The following BARX2 variants were observed in gnomAD, a reference collection of about 807,000 sequenced individuals.
BARX2 encodes homeobox protein BarH-like 2.
A neutral mutation model predicts 25.5 loss-of-function variants in BARX2; 11 were observed. That is an observed-to-expected ratio of 0.43 (90% CI 0.27 to 0.71). The LOEUF (loss-of-function observed/expected upper bound fraction) is 0.71. BARX2 is among the 30% of genes least tolerant of loss of function. The probability of loss-of-function intolerance (pLI) is 0.19; values close to 1 mark genes in which losing one functional copy is unlikely to be tolerated. For synonymous variants in BARX2, 137 were observed against 149.5 expected (o/e 0.92, Z 0.61); for missense variants, 360 against 359.9 (o/e 1.00, Z 0.00).
intron 1 of BARX2, among the ~76,000 whole-genome samples, chr11:129,399,869 C>G (rs537411809): frequency 1.3e-5 from 2 of 152,278 alleles, no homozygotes; most frequent in African/African-American, 4.8e-5. Flanking sequence ...ACCTGGCACA[C>G]TAGTGGTCAT....
rs1207681488 is a variant in BARX2 at position 129,376,482 on chromosome 11, G to C, written c.187+260G>C. Among the ~76,000 whole-genome samples the C allele has an allele frequency of 6.6e-6, 1 of 152,196 alleles. No individual in the cohort carries two copies. Among genetic ancestry groups the C allele is most frequent in the Non-Finnish European group, 1.5e-5 (1 of 68,044 alleles). On this transcript the variant is annotated intron_variant, in intron 1 of 3. Coordinates refer to ENST00000281437, the MANE Select transcript of BARX2 (RefSeq NM_003658.5). This position sits in a 1 kb window ranked among gnomAD's most constrained non-coding sequence, Gnocchi z 4.2. ...CGCGCAACGCCTGATTGTCCTGCTC[G>C]GAGGAGAACGCTTCCTCGTTTCCTG...
intron 1 of BARX2, among the ~76,000 whole-genome samples, chr11:129,432,583 C>T (rs1198438035): frequency 6.6e-6 from 1 of 152,166 alleles, no homozygotes; most frequent in Non-Finnish European, 1.5e-5. Flanking sequence ...TAAAACTAAA[C>T]ACATTTTATA....
intron 1 of BARX2, among the ~76,000 whole-genome samples, chr11:129,413,731 G>A (rs3019122): frequency 0.21 from 32,643 of 152,084 alleles, 4,391 homozygotes; most frequent in Non-Finnish European, 0.3. Flanking sequence ...GCACCTTGGA[G>A]AAGAATCTTC....
At position 129,440,539 on chromosome 11, in the gene BARX2, C is replaced by T. The variant is rs540192107; in HGVS notation, c.489-2296C>T. Among the ~76,000 whole-genome samples, 57 of 152,344 alleles carry T rather than the reference C, an allele frequency of 3.7e-4. No individual in the cohort carries two copies. In the South Asian group the frequency reaches 7.5e-3, roughly 20 times the overall value. ...TGTGGGAAGAGCCAAGTGCTGTTGGCACTGGGAATTTATTGGCTTTAGCCT... is the reference window on the plus strand; with the variant it reads ...TGTGGGAAGAGCCAAGTGCTGTTGGTACTGGGAATTTATTGGCTTTAGCCT... On this transcript the variant is annotated intron_variant, in intron 2 of 3. Transcript: ENST00000281437.
intron 1 of BARX2, among the ~76,000 whole-genome samples, chr11:129,404,724 G>C (rs1861812679): frequency 6.6e-6 from 1 of 152,182 alleles, no homozygotes; most frequent in African/African-American, 2.4e-5. Context: ...TGTCCATTTG[G>C]TGTGAGCAGT....
At chr11:129,383,648 G>A (rs1158630673) in intron 1 of BARX2, among the ~76,000 whole-genome samples, 1 of 152,188 alleles carries the variant, frequency 6.6e-6, no homozygotes, top group Non-Finnish European at 1.5e-5. Context: ...CTTCCTCCTG[G>A]CAGAGTGCAC....
chr11:129,396,700 A>G (rs1437528053), intron 1 of BARX2, among the ~76,000 whole-genome samples: 1 of 152,168 alleles, frequency 6.6e-6, no homozygotes, highest in African/African-American at 2.4e-5. Flanking sequence ...CAGTTTAAAC[A>G]TGAAAAAGGA....
At chr11:129,437,464 G>A in intron 2 of BARX2, 1 of 992,894 alleles carries the variant, frequency 1.0e-6, no homozygotes, top group Non-Finnish European at 1.2e-6. Context: ...ACAGCCTCCA[G>A]CTGATTCCCC....
rs1189192506 is a variant in BARX2 at position 129,375,981 on chromosome 11, C to A, written c.-55C>A. 132 of 1,095,544 alleles carry A rather than the reference C, an allele frequency of 1.2e-4. 1 individual carries two copies. Among genetic ancestry groups the A allele is most frequent in the Non-Finnish European group, 1.4e-4 (127 of 897,044 alleles). 67.9% of individuals were successfully genotyped at this position (1,095,544 alleles called of 1,614,324 possible). A position where few individuals can be genotyped will look rare whatever the true frequency, so the allele number is the denominator to read the frequency against. On this transcript the variant is annotated 5_prime_UTR_variant, in exon 1 of 4. Transcript: ENST00000281437. The surrounding 1 kb of genome is among the most constrained non-coding windows in gnomAD (Gnocchi z 4.0). Reference sequence around the variant, plus strand: ...CGTCGCGCCAGCCCCGCGGCCCCAGCGGGCCGGGCACTCGCAGCCGCGCTC... The same window carrying A: ...CGTCGCGCCAGCCCCGCGGCCCCAGAGGGCCGGGCACTCGCAGCCGCGCTC...
intron 1 of BARX2, among the ~76,000 whole-genome samples, chr11:129,377,060 G>A (rs576425040): frequency 7.2e-5 from 11 of 152,296 alleles, no homozygotes; most frequent in African/African-American, 2.6e-4. Context: ...TTTAGGTTAT[G>A]GAACATGGGT....
intron 1 of BARX2, among the ~76,000 whole-genome samples, chr11:129,429,885 T>C (rs1026134392): frequency 6.6e-6 from 1 of 152,176 alleles, no homozygotes; most frequent in Non-Finnish European, 1.5e-5. Flanking sequence ...CCCTAAAATA[T>C]TTTCCAGAAA....
At chr11:129,378,843 T>TA (rs36045160) in intron 1 of BARX2, among the ~76,000 whole-genome samples, 3,051 of 140,336 alleles carry the variant, frequency 0.022, 43 homozygotes, top group African/African-American at 0.051. Flanking sequence ...ACTACAGCAT[T>TA]AAAAAAAAAA....
rs191375498 is a variant in BARX2 at position 129,410,796 on chromosome 11, G to A, written c.188-25955G>A. On this transcript the variant is annotated intron_variant, in intron 1 of 3. Transcript: ENST00000281437. ...GGATTGAGAGGGTTGAGTCACAGCA[G>A]GGTTCACCCCACAGTTCTGCACACA... Among the ~76,000 whole-genome samples the A allele has an allele frequency of 3.9e-5, 6 of 152,256 alleles. No individual in the cohort carries two copies. The East Asian group carries it at 1.2e-3, about 29-fold the overall frequency.
upstream of BARX2, among the ~76,000 whole-genome samples, chr11:129,375,672 G>T (rs1861493598): frequency 6.6e-6 from 1 of 152,006 alleles, no homozygotes; most frequent in African/African-American, 2.4e-5. This position sits in a 1 kb window ranked among gnomAD's most constrained non-coding sequence, Gnocchi z 4.0. Context: ...GCGGGAGGCA[G>T]CGACTGAGAG....
At position 129,444,767 on chromosome 11, in the gene BARX2, C is replaced by T. The variant is rs767352492; in HGVS notation, c.573+1848C>T. On this transcript the variant is annotated intron_variant, in intron 3 of 3. Coordinates refer to ENST00000281437, the MANE Select transcript of BARX2 (RefSeq NM_003658.5). ...CTGTAATCCCATCAGTTTGGGAGGC[C>T]GAGGTGGGTGGATCACATGAGGTCA... is the stretch of plus-strand genomic sequence containing the variant. 5.9e-5 allele frequency among the ~76,000 whole-genome samples: 9 copies of T among 151,980 alleles called. 1 individual carries two copies. Among genetic ancestry groups the T allele is most frequent in the Admixed American group, 2.0e-4 (3 of 15,250 alleles).
chr11:129,434,117 CAAAAA>C (rs146352602), intron 1 of BARX2, among the ~76,000 whole-genome samples: 1 of 146,724 alleles, frequency 6.8e-6, no homozygotes, highest in South Asian at 2.2e-4. Flanking sequence ...TAAAGGCAGA[CAAAAA>C]AAAAATCATA....
intron 1 of BARX2, among the ~76,000 whole-genome samples, chr11:129,393,280 C>T (rs1861684025): frequency 2.0e-5 from 3 of 152,210 alleles, no homozygotes; most frequent in Admixed American, 6.5e-5. Context: ...AAGACAAATC[C>T]GGTCCTGATC....
chr11:129,434,300 C>A (rs1422122150), intron 1 of BARX2, among the ~76,000 whole-genome samples: 3 of 147,846 alleles, frequency 2.0e-5, no homozygotes, highest in Non-Finnish European at 4.5e-5. Flanking sequence ...CACGATGGCT[C>A]ACACCTATAA....
chr11:129,450,958 A>T (rs1322796196), intron 3 of BARX2, among the ~76,000 whole-genome samples, 178 bp from the exon 4 acceptor site: 2 of 152,222 alleles, frequency 1.3e-5, no homozygotes, highest in Non-Finnish European at 1.5e-5. Context: ...TTGAGCATTT[A>T]AAAAATGGAG....
Sources: gnomAD v4.1 joint callset for allele counts (sites outside exome capture counted in the v4.1 genomes callset) on GRCh38, gnomAD v4.1.1 for gene constraint, Gnocchi (gnomAD v3.1) non-coding constraint, MANE v1.5 for transcripts, NCBI Gene and HGNC (gene_info 2026-07-23, HGNC 2026-07-21) for gene names.